ZC3H13: variants seen among roughly 807,000 people sequenced by gnomAD.
ZC3H13 encodes the protein zinc finger CCCH-type containing 13, also known as zinc finger CCCH domain-containing protein 13.
In ZC3H13, 64 loss-of-function variants were observed where a neutral mutation model predicts 204.1. The ratio of observed to expected loss-of-function variants is 0.31; its 90% confidence interval spans 0.26 to 0.39. The LOEUF is 0.39. Among genes scored for constraint, ZC3H13 ranks in the 10% least tolerant of loss-of-function variants. The pLI is 1.00. For missense variants in ZC3H13, 1,833 were observed against 2,082.7 expected (o/e 0.88, Z 2.33); for synonymous variants, 667 against 693.7 (o/e 0.96, Z 0.60).
chr13:46,027,591 A>C (rs1356359030), intron 4 of ZC3H13, among the ~76,000 whole-genome samples: 4 of 152,258 alleles, frequency 2.6e-5, no homozygotes, highest in Non-Finnish European at 5.9e-5. Flanking sequence ...ATAAAATAGT[A>C]CCAAACCCAG....
intron 12 of ZC3H13, among the ~76,000 whole-genome samples, chr13:45,973,215 T>A (rs563564676): frequency 3.3e-5 from 5 of 152,276 alleles, no homozygotes; most frequent in African/African-American, 1.2e-4. Flanking sequence ...TTCAAGGAAA[T>A]ACCTAAATAA....
chr13:45,964,089 A>T (rs1380830086), intron 16 of ZC3H13, 47 bp from the exon 17 acceptor site: 1 of 1,535,184 alleles, frequency 6.5e-7, no homozygotes, highest in Non-Finnish European at 8.9e-7. Flanking sequence ...AAGAAATAGC[A>T]GTCTTGTTAT....
chr13:46,037,887 A>T (rs769884564), intron 4 of ZC3H13, among the ~76,000 whole-genome samples: 12 of 152,236 alleles, frequency 7.9e-5, no homozygotes, highest in Non-Finnish European at 1.5e-5. Flanking sequence ...CTTTCTTTTC[A>T]TACTAAGTCT....
rs771267940 is a variant in ZC3H13 at position 45,969,361 on chromosome 13, ATCT to A, written c.3180_3182del (p.Glu1060del). 3 of 1,613,896 alleles carry A rather than the reference ATCT, an allele frequency of 1.9e-6. No individual in the cohort carries two copies. Among genetic ancestry groups the A allele is most frequent in the Admixed American group, 3.3e-5 (2 of 59,984 alleles). ...CATCAGACCAGTCACTGAATGCTGT[ATCT>A]TCTTTTTTCTGGGAGTCCTCTAGAA... On this transcript the variant is annotated inframe_deletion, in exon 14 of 19. Coordinates refer to ENST00000679008, the MANE Select transcript of ZC3H13 (RefSeq NM_001330564.2).
At chr13:46,046,897 A>G (rs1043725685) in intron 1 of ZC3H13, among the ~76,000 whole-genome samples, 1 of 152,206 alleles carries the variant, frequency 6.6e-6, no homozygotes, top group African/African-American at 2.4e-5. Context: ...AAACTGCCTC[A>G]TAAGGGGAAG....
Position 45,975,690 on chromosome 13 carries a change from CCT to C in ZC3H13, c.2059_2060del (p.Arg687GlyfsTer9). On this transcript the variant is annotated frameshift_variant, in exon 12 of 19. Transcript: ENST00000679008. LOFTEE classifies it high-confidence loss of function. The part of the protein sequence containing the change: ...RERDRERERD[R>X]ERERERERER... The stretch of plus-strand genomic sequence containing the variant: ...CACGTTCCCTCTCTCTCTCCCGCTC[CCT>C]GTCTCGTTCTCGTTCCCGATCTCTC... 2 of 1,613,022 alleles carry C rather than the reference CCT, an allele frequency of 1.2e-6. No individual in the cohort carries two copies. Among genetic ancestry groups the C allele is most frequent in the Non-Finnish European group, 1.7e-6 (2 of 1,179,596 alleles).
intron 9 of ZC3H13, among the ~76,000 whole-genome samples, chr13:45,986,598 G>A (rs1954219166): frequency 6.6e-6 from 1 of 152,144 alleles, no homozygotes; most frequent in Non-Finnish European, 1.5e-5. Flanking sequence ...GCAAAGATTA[G>A]AAACCACTCT....
intron 17 of ZC3H13, chr13:45,963,504 C>T: frequency 9.5e-7 from 1 of 1,057,552 alleles, no homozygotes; most frequent in Non-Finnish European, 1.1e-6. Context: ...TCACTGCAGC[C>T]TCAATTTCCT....
Position 45,985,516 on chromosome 13 carries a change from T to C in ZC3H13, c.1501A>G (p.Thr501Ala), listed in dbSNP as rs1334563226. 6.2e-7 allele frequency: 1 copy of C among 1,614,178 alleles called. No homozygotes were observed. Among genetic ancestry groups the C allele is most frequent in the Non-Finnish European group, 8.5e-7 (1 of 1,180,028 alleles). The change falls in exon 10 of 19, where the codon ACT (threonine) becomes GCT (alanine). Residue 501 changes from threonine to alanine, a missense_variant. Around this residue, in one of 5 missense-constraint regions of ZC3H13, gnomAD observed 1,574 missense variants for 1,757.2 expected, o/e 0.90. Coordinates refer to ENST00000679008, the MANE Select transcript of ZC3H13 (RefSeq NM_001330564.2). ...ESRDPRDSRS[T>A]RDAHDYRDRE... ...TCCCTGTAGTCATGGGCATCACGAGTGGACCGAGAATCTCTGGGATCACGG... is the reference window on the plus strand; with the variant it reads ...TCCCTGTAGTCATGGGCATCACGAGCGGACCGAGAATCTCTGGGATCACGG...
chr13:46,011,696 A>G (rs1221735201), intron 5 of ZC3H13, 142 bp from the exon 6 acceptor site: 1 of 499,960 alleles, frequency 2.0e-6, no homozygotes, highest in Non-Finnish European at 3.2e-6. Flanking sequence ...AAAAGATAAA[A>G]GAAATAGATA....
At chr13:46,038,925 G>A (rs1418810355) in intron 4 of ZC3H13, among the ~76,000 whole-genome samples, 2 of 152,138 alleles carry the variant, frequency 1.3e-5, no homozygotes, top group Admixed American at 6.5e-5. Flanking sequence ...GGGAGGCTGA[G>A]GCTGGAGAAT....
chr13:46,014,513 A>G (rs1017181128), intron 5 of ZC3H13, among the ~76,000 whole-genome samples: 8 of 152,234 alleles, frequency 5.3e-5, no homozygotes, highest in Admixed American at 5.2e-4. Flanking sequence ...TTGTTACATC[A>G]TGCTAATTAT....
chr13:46,004,966 TCTTA>T (rs1216094496), intron 7 of ZC3H13, among the ~76,000 whole-genome samples: 7 of 152,226 alleles, frequency 4.6e-5, no homozygotes, highest in African/African-American at 1.4e-4. Flanking sequence ...TGTCTTTGCC[TCTTA>T]CTTTAACAAT....
At chr13:46,036,077 G>A (rs1348037500) in intron 4 of ZC3H13, among the ~76,000 whole-genome samples, 3 of 151,654 alleles carry the variant, frequency 2.0e-5, no homozygotes, top group African/African-American at 7.3e-5. Context: ...GAGCCTGGGA[G>A]GTGGAGGCTA....
chr13:46,022,336 A>G (rs1192207506), intron 4 of ZC3H13, among the ~76,000 whole-genome samples: 1 of 151,942 alleles, frequency 6.6e-6, no homozygotes, highest in African/African-American at 2.4e-5. Context: ...TTTTGGTAAC[A>G]TTTATTAAGA....
intron 1 of ZC3H13, among the ~76,000 whole-genome samples, chr13:46,046,929 T>A (rs1341688594): frequency 6.6e-6 from 1 of 152,116 alleles, no homozygotes; most frequent in African/African-American, 2.4e-5. Flanking sequence ...CCATACTATA[T>A]CCCGCTTTAT....
At chr13:46,039,278 AAAC>A (rs916955944) in intron 4 of ZC3H13, among the ~76,000 whole-genome samples, 1 of 152,198 alleles carries the variant, frequency 6.6e-6, no homozygotes, top group African/African-American at 2.4e-5. Flanking sequence ...CCCTTATGAT[AAAC>A]AACACACTTA....
At chr13:46,015,880 A>G (rs751827405) in intron 5 of ZC3H13, among the ~76,000 whole-genome samples, 1 of 152,124 alleles carries the variant, frequency 6.6e-6, no homozygotes, top group Non-Finnish European at 1.5e-5. Flanking sequence ...ATATATTTAT[A>G]TATCTGATAA....
At chr13:45,970,868 T>C (rs1952526654) in intron 12 of ZC3H13, among the ~76,000 whole-genome samples, 1 of 152,338 alleles carries the variant, frequency 6.6e-6, no homozygotes, top group African/African-American at 2.4e-5. Context: ...AAACCTAATA[T>C]TGGCTTTGAA....
Sources: allele counts gnomAD v4.1 joint callset (sites outside exome capture counted in the v4.1 genomes callset), GRCh38; gene constraint gnomAD v4.1.1; regional missense constraint gnomAD v4.1.1; transcripts MANE v1.5; gene names NCBI Gene and HGNC (gene_info 2026-07-23, HGNC 2026-07-21).